The following NDE1 variants were observed in gnomAD, a reference collection of about 807,000 sequenced individuals.
NDE1 encodes nuclear distribution protein nudE homolog 1.
In NDE1, 28 loss-of-function variants were observed where a neutral mutation model predicts 43.4. That is an observed-to-expected ratio of 0.65 (90% CI 0.48 to 0.89). The LOEUF is 0.89. Among genes scored for constraint, NDE1 ranks in the 40% least tolerant of loss-of-function variants. The pLI, the probability that NDE1 is intolerant of heterozygous loss-of-function variation, is 0.00. For synonymous variants in NDE1, 184 were observed against 172.0 expected, an observed-to-expected ratio of 1.07 and a Z score of -0.55; for missense variants, 441 against 434.1, an observed-to-expected ratio of 1.02 and a Z score of -0.14.
intron 8 of NDE1, among the ~76,000 whole-genome samples, chr16:15,702,319 T>G (rs974388226): frequency 6.6e-6 from 1 of 152,242 alleles, no homozygotes; most frequent in African/African-American, 2.4e-5. Context: ...TTTTAAGGGT[T>G]GTTTTAAAGA....
chr16:15,662,167 G>A (rs111806642), intron 1 of NDE1, among the ~76,000 whole-genome samples: 34 of 151,902 alleles, frequency 2.2e-4, no homozygotes, highest in African/African-American at 7.7e-4. Context: ...TTGAACTCCT[G>A]GTCCCAAGTG....
intron 6 of NDE1, among the ~76,000 whole-genome samples, chr16:15,692,797 T>C (rs920076399): frequency 3.3e-5 from 5 of 150,776 alleles, no homozygotes; most frequent in African/African-American, 1.2e-4. Flanking sequence ...AGTGCAGTGG[T>C]GCAATCATAG....
At chr16:15,701,648 T>A (rs1322431986) in intron 8 of NDE1, 2 of 152,366 alleles carry the variant, frequency 1.3e-5, no homozygotes, top group African/African-American at 2.4e-5. Flanking sequence ...TGTTAGGAAC[T>A]GCTGTCTCTT....
At chr16:15,643,891 C>T (rs908017490) in exon 1 of NDE1, 4 of 152,972 alleles carry the variant, frequency 2.6e-5, no homozygotes, top group African/African-American at 9.7e-5. Flanking sequence ...ACTGCGTTTC[C>T]AGTGACAGGT....
intron 8 of NDE1, chr16:15,699,463 T>G (rs751018212): frequency 2.2e-5 from 21 of 933,740 alleles, no homozygotes; most frequent in Admixed American, 4.8e-5. Context: ...AGGGTCTCAC[T>G]ATGTTGCGTA....
intron 8 of NDE1, chr16:15,714,455 ACAGCCCCCATACCCGAGAATAATG>A: frequency 4.8e-6 from 1 of 206,214 alleles, no homozygotes; most frequent in Non-Finnish European, 9.9e-6. Context: ...GGAATGTCGG[ACAGCCCCCATACCCGAGAATAATG>A]CAGCCCAGAT....
intron 1 of NDE1, among the ~76,000 whole-genome samples, chr16:15,656,835 C>G (rs2036793087): frequency 6.6e-6 from 1 of 152,094 alleles, no homozygotes; most frequent in Non-Finnish European, 1.5e-5. Flanking sequence ...GCCACAGCAC[C>G]CTGCCAGGCT....
chr16:15,714,810 G>A (rs2040025021), intron 8 of NDE1: 5 of 1,431,602 alleles, frequency 3.5e-6, no homozygotes, highest in Non-Finnish European at 4.9e-6. Flanking sequence ...AGTGGCGGCT[G>A]TGGGCACAAG....
intron 8 of NDE1, chr16:15,700,356 C>T: frequency 6.5e-6 from 1 of 153,906 alleles, no homozygotes; most frequent in Admixed American, 6.5e-5. Flanking sequence ...ATCTCGGCCT[C>T]CCAGAATGCT....
chr16:15,687,930 C>G (rs1326152842), intron 5 of NDE1, among the ~76,000 whole-genome samples: 2 of 152,142 alleles, frequency 1.3e-5, no homozygotes, highest in African/African-American at 4.8e-5. Flanking sequence ...ACCTGTAATC[C>G]CAGCACTTTG....
chr16:15,647,115 G>A (rs2036346706), upstream of NDE1, among the ~76,000 whole-genome samples: 1 of 152,208 alleles, frequency 6.6e-6, no homozygotes, highest in African/African-American at 2.4e-5. Context: ...GCATGTAAAT[G>A]ATTCATTAAT....
intron 8 of NDE1, chr16:15,703,896 G>T: frequency 1.3e-6 from 2 of 1,509,562 alleles, no homozygotes; most frequent in South Asian, 1.1e-5. Flanking sequence ...CAGTCTGCTG[G>T]GTTTTGCTTT....
At chr16:15,687,354 C>T in intron 4 of NDE1, 21 bp from the exon 5 acceptor site, 1 of 1,613,998 alleles carries the variant, frequency 6.2e-7, no homozygotes, top group African/African-American at 1.3e-5. Context: ...TCTTGGATAA[C>T]TCTGCTTTTC....
intron 8 of NDE1, among the ~76,000 whole-genome samples, chr16:15,711,853 C>T (rs1034207091): frequency 1.2e-4 from 18 of 152,084 alleles, no homozygotes; most frequent in Admixed American, 1.0e-3. Context: ...CCACCATACC[C>T]GGCTAATTTT....
At chr16:15,699,808 A>G in intron 8 of NDE1, 1 of 1,351,174 alleles carries the variant, frequency 7.4e-7, no homozygotes, top group South Asian at 1.1e-5. Context: ...GGGGGTAGTC[A>G]AGATGTTGCT....
chr16:15,648,688 A>T (rs1290428851), upstream of NDE1, among the ~76,000 whole-genome samples: 2 of 152,062 alleles, frequency 1.3e-5, no homozygotes, highest in Non-Finnish European at 2.9e-5. Context: ...GGCGCCTGTA[A>T]TCCCAGCTAC....
At chr16:15,704,737 C>CA (rs2039357282) in intron 8 of NDE1, among the ~76,000 whole-genome samples, 2 of 152,236 alleles carry the variant, frequency 1.3e-5, no homozygotes, top group Non-Finnish European at 2.9e-5. Flanking sequence ...TTCCCCACTG[C>CA]AGGGACTGCT....
At chr16:15,691,397 G>A (rs1376934272) in intron 6 of NDE1, 74 bp downstream of exon 6, 3 of 1,517,574 alleles carry the variant, frequency 2.0e-6, no homozygotes, top group Middle Eastern at 1.7e-4. Flanking sequence ...GGTGGGTCCT[G>A]GGGGTGTGAT....
intron 8 of NDE1, among the ~76,000 whole-genome samples, chr16:15,715,980 A>G (rs1046125505): frequency 1.3e-5 from 2 of 152,050 alleles, no homozygotes; most frequent in East Asian, 1.9e-4. Context: ...TACAATTACA[A>G]GCTGGGTACA....
Sources: gnomAD v4.1 joint callset for allele counts (sites outside exome capture counted in the v4.1 genomes callset) on GRCh38, gnomAD v4.1.1 for gene constraint, MANE v1.5 for transcripts, NCBI Gene and HGNC (gene_info 2026-07-23, HGNC 2026-07-21) for gene names.